Variants in IQGAP2 observed in about 807,000 individuals in gnomAD.
The protein encoded by IQGAP2 is IQ motif containing GTPase activating protein 2.
In IQGAP2, 173 loss-of-function variants were observed where a neutral mutation model predicts 201.3. The observed-to-expected ratio is 0.86, with a 90% CI of 0.76 to 0.98. The LOEUF (loss-of-function observed/expected upper bound fraction) is 0.98. Ranked by LOEUF, IQGAP2 falls within the 50% of genes least tolerant of loss-of-function variation. The pLI is 0.00. For synonymous variants in IQGAP2, 675 were observed against 673.9 expected, an observed-to-expected ratio of 1.00 and a Z score of -0.03; for missense variants, 1,687 against 1,864.8, an observed-to-expected ratio of 0.90 and a Z score of 1.76.
chr5:76,611,379 T>C (rs1393547377), intron 13 of IQGAP2, among the ~76,000 whole-genome samples, 196 bp downstream of exon 13: 3 of 152,196 alleles, frequency 2.0e-5, no homozygotes, highest in African/African-American at 4.8e-5. Context: ...TCCAGAGCTA[T>C]TTATTGCTTT....
chr5:76,551,298 G>C (rs564711096), intron 2 of IQGAP2, among the ~76,000 whole-genome samples: 6 of 151,228 alleles, frequency 4.0e-5, no homozygotes, highest in South Asian at 4.2e-4. Flanking sequence ...CAGATGATGG[G>C]CGGCCGGGCA....
At chr5:76,597,650 A>G (rs774848900) in intron 10 of IQGAP2, 48 bp downstream of exon 10, 16 of 1,591,198 alleles carry the variant, frequency 1.0e-5, no homozygotes, top group Non-Finnish European at 1.4e-5. Flanking sequence ...CCTGCGTGCC[A>G]TGGCGCACTA....
chr5:76,481,323 GTATTT>G (rs1755781324), intron 2 of IQGAP2, among the ~76,000 whole-genome samples: 1 of 151,854 alleles, frequency 6.6e-6, no homozygotes, highest in African/African-American at 2.4e-5. Flanking sequence ...TAATTTTAAT[GTATTT>G]TATTTAACCT....
chr5:76,702,690 C>G (rs1747514095), intron 35 of IQGAP2, 100 bp downstream of exon 35: 1 of 652,104 alleles, frequency 1.5e-6, no homozygotes. Flanking sequence ...TAAAGTTTAA[C>G]AGAAAACCAG....
intron 2 of IQGAP2, among the ~76,000 whole-genome samples, chr5:76,501,242 A>G (rs190575672): frequency 6.6e-6 from 1 of 152,272 alleles, no homozygotes; most frequent in East Asian, 1.9e-4. Flanking sequence ...GATGAAGGCA[A>G]GCTTCCACAA....
At chr5:76,605,955 C>G (rs1032151503) in intron 11 of IQGAP2, among the ~76,000 whole-genome samples, 11 of 152,178 alleles carry the variant, frequency 7.2e-5, no homozygotes, top group South Asian at 2.1e-4. Flanking sequence ...TTTTGAAGAG[C>G]TTTCATTAAC....
rs1257865595 is a variant in IQGAP2 at position 76,549,753 on chromosome 5, C to G, written c.147-12643C>G. 2.0e-5 allele frequency among the ~76,000 whole-genome samples: 3 copies of G among 152,254 alleles called. No individual in the cohort carries two copies. The East Asian group carries it at 5.8e-4, about 29-fold the overall frequency. ...CTATGAGCGTTCAGCCCTGGGAGCT[C>G]TCTGTGCCCTGATCACCTTTTCTTA... On this transcript the variant is annotated intron_variant, in intron 2 of 35. Coordinates refer to ENST00000274364, the MANE Select transcript of IQGAP2 (RefSeq NM_006633.5).
chr5:76,692,840 C>T (rs1318969699), intron 30 of IQGAP2, among the ~76,000 whole-genome samples: 1 of 152,182 alleles, frequency 6.6e-6, no homozygotes, highest in Non-Finnish European at 1.5e-5. Context: ...TGAACGTTCG[C>T]TCCCACTGGT....
chr5:76,580,377 A>G (rs1580508583), intron 5 of IQGAP2, among the ~76,000 whole-genome samples: 2 of 151,908 alleles, frequency 1.3e-5, no homozygotes, highest in South Asian at 4.2e-4. Flanking sequence ...AGATCACAAT[A>G]AGCCAAGATC....
chr5:76,520,538 A>C (rs190298430), intron 2 of IQGAP2, among the ~76,000 whole-genome samples: 1 of 152,256 alleles, frequency 6.6e-6, no homozygotes, highest in African/African-American at 2.4e-5. Flanking sequence ...AGCTATTTAA[A>C]TTCCTTTGCC....
At chr5:76,417,760 T>C (rs773582644) in intron 1 of IQGAP2, among the ~76,000 whole-genome samples, 118 of 151,914 alleles carry the variant, frequency 7.8e-4, no homozygotes, top group Non-Finnish European at 1.4e-3. Context: ...TTTGTATTTT[T>C]AGTAGGAGAT....
At chr5:76,639,837 T>G (rs2150400275) in intron 16 of IQGAP2, among the ~76,000 whole-genome samples, 1 of 152,336 alleles carries the variant, frequency 6.6e-6, no homozygotes, top group South Asian at 2.1e-4. Context: ...GTCGTACAAC[T>G]TTTAGGAAAA....
rs764579261 is a variant in IQGAP2 at position 76,403,632 on chromosome 5, G to A, written c.46+41G>A. 71 of 1,461,648 alleles carry A rather than the reference G, an allele frequency of 4.9e-5. No individual in the cohort carries two copies. The highest frequency in any genetic ancestry group is 4.1e-4 in the African/African-American group (28 of 68,178). 90.5% of individuals were successfully genotyped at this position (1,461,648 alleles called of 1,614,324 possible). A position where few individuals can be genotyped will look rare whatever the true frequency, so the allele number is the denominator to read the frequency against. Reference sequence around the variant, plus strand: ...GCGCGGGGTTCCTGCTGGCCTTGGGGAGCTCCCTCCCCGAGGACGGCGTTG... The same window carrying A: ...GCGCGGGGTTCCTGCTGGCCTTGGGAAGCTCCCTCCCCGAGGACGGCGTTG... On this transcript the variant is annotated intron_variant, in intron 1 of 35. Transcript: ENST00000274364. The surrounding 1 kb of genome is among the most constrained non-coding windows in gnomAD (Gnocchi z 4.8).
intron 1 of IQGAP2, among the ~76,000 whole-genome samples, chr5:76,404,088 C>A (rs927685568): frequency 2.6e-5 from 4 of 152,198 alleles, no homozygotes; most frequent in African/African-American, 9.6e-5. Flanking sequence ...CGGGAGTCTC[C>A]TCCTGTCCCG....
chr5:76,587,875 G>A (rs532438873), intron 5 of IQGAP2, among the ~76,000 whole-genome samples: 5 of 151,622 alleles, frequency 3.3e-5, no homozygotes, highest in African/African-American at 4.9e-5. Context: ...GAACCCAGAA[G>A]GTGGAGGTTG....
At chr5:76,622,680 G>C (rs1270697855) in intron 13 of IQGAP2, among the ~76,000 whole-genome samples, 1 of 152,102 alleles carries the variant, frequency 6.6e-6, no homozygotes, top group African/African-American at 2.4e-5. Flanking sequence ...CCCACTTAAA[G>C]TCAAAAAAGG....
intron 10 of IQGAP2, among the ~76,000 whole-genome samples, chr5:76,600,411 A>T (rs1158072447): frequency 6.6e-6 from 1 of 152,162 alleles, no homozygotes. Flanking sequence ...CTTAACCCTT[A>T]ATTCAAACTG....
Position 76,600,830 on chromosome 5 carries a change from G to A in IQGAP2, c.1090G>A (p.Glu364Lys). The A allele has an allele frequency of 6.2e-7, 1 of 1,614,090 alleles. No homozygotes were observed. The highest frequency in any genetic ancestry group is 8.5e-7 in the Non-Finnish European group (1 of 1,179,970). The change falls in exon 11 of 36, where the codon GAG becomes AAG. Residue 364 changes from glutamate (E) to lysine (K), a missense_variant. Coordinates refer to ENST00000274364, the MANE Select transcript of IQGAP2 (RefSeq NM_006633.5). Reference protein sequence around the residue: ...QNTMNYLAHEELLIAVEMLSA... With the variant: ...QNTMNYLAHEKLLIAVEMLSA... The stretch of plus-strand genomic sequence containing the variant: ...CCAACAGAACTACTTGGCCCACGAG[G>A]AGCTTTTGATTGCTGTGGAAATGTT...
At chr5:76,458,637 T>C (rs1423117381) in intron 1 of IQGAP2, among the ~76,000 whole-genome samples, 1 of 152,184 alleles carries the variant, frequency 6.6e-6, no homozygotes, top group African/African-American at 2.4e-5. Flanking sequence ...GGAATGGGTA[T>C]GTACAAGGAA....
Sources: allele counts gnomAD v4.1 joint callset (sites outside exome capture counted in the v4.1 genomes callset), GRCh38; gene constraint gnomAD v4.1.1; non-coding constraint Gnocchi (gnomAD v3.1); transcripts MANE v1.5; gene names NCBI Gene and HGNC (gene_info 2026-07-23, HGNC 2026-07-21).